Variants in ATXN7 observed in about 807,000 individuals in gnomAD.
ATXN7 encodes ataxin-7.
In ATXN7, 12 loss-of-function variants were observed where a neutral mutation model predicts 70.5. The observed-to-expected ratio is 0.17, with a 90% CI of 0.11 to 0.28. ATXN7 has a LOEUF of 0.28. Ranked by LOEUF, ATXN7 falls within the 10% of genes least tolerant of loss-of-function variation. ATXN7 has a pLI of 1.00. For missense variants in ATXN7, 1,256 were observed against 1,131.7 expected (o/e 1.11, Z -1.58); for synonymous variants, 498 against 448.7 (o/e 1.11, Z -1.39).
At chr3:63,940,183 C>T (rs2074731098) in intron 4 of ATXN7, among the ~76,000 whole-genome samples, 1 of 151,716 alleles carries the variant, frequency 6.6e-6, no homozygotes, top group Admixed American at 6.6e-5. Flanking sequence ...CTGAGAAGGC[C>T]CTAATCTCAC....
chr3:63,920,148 A>G (rs1401767641), intron 4 of ATXN7, among the ~76,000 whole-genome samples: 2 of 152,088 alleles, frequency 1.3e-5, no homozygotes, highest in African/African-American at 2.4e-5. Flanking sequence ...AACACCTGGC[A>G]CAATCCATGC....
chr3:63,991,299 GT>G (rs71099785), intron 11 of ATXN7, among the ~76,000 whole-genome samples: 10 of 108,498 alleles, frequency 9.2e-5, no homozygotes, highest in Admixed American at 1.2e-4. Flanking sequence ...CCCACCCCTG[GT>G]TTTTTTTTTG....
At chr3:63,950,288 G>A (rs771079903) in intron 4 of ATXN7, among the ~76,000 whole-genome samples, 3 of 152,186 alleles carry the variant, frequency 2.0e-5, no homozygotes, top group Non-Finnish European at 4.4e-5. Flanking sequence ...TTTTAAAGGG[G>A]TAGAGGGTTA....
intron 5 of ATXN7, among the ~76,000 whole-genome samples, chr3:63,962,331 A>C (rs528574966): frequency 6.6e-6 from 1 of 152,244 alleles, no homozygotes; most frequent in African/African-American, 2.4e-5. Context: ...TCTTCAGGTC[A>C]CAAATAAACT....
At chr3:63,888,480 A>T (rs1382148828) in intron 1 of ATXN7, among the ~76,000 whole-genome samples, 2 of 152,160 alleles carry the variant, frequency 1.3e-5, no homozygotes, top group Non-Finnish European at 2.9e-5. Context: ...GAACTATTCT[A>T]TCACTAAAAA....
chr3:63,919,724 A>G lies in ATXN7; in HGVS notation c.394+6499A>G, dbSNP rs377688150. On this transcript the variant is annotated intron_variant, in intron 4 of 12. Transcript: ENST00000674280. ...ATTAACTCGTCATTTAGCATTAGGT[A>G]TATCTCCTAATGCTATCCCTCCCCC... Among the ~76,000 whole-genome samples, 1,411 of 147,622 alleles carry G rather than the reference A, an allele frequency of 9.6e-3. 20 individuals carry two copies. Among genetic ancestry groups the G allele is most frequent in the African/African-American group, 0.032 (1,274 of 40,322 alleles).
intron 1 of ATXN7, among the ~76,000 whole-genome samples, chr3:63,877,680 T>G (rs1702787862): frequency 6.6e-6 from 1 of 152,236 alleles, no homozygotes; most frequent in African/African-American, 2.4e-5. Flanking sequence ...TGGAGTGGCT[T>G]ATTGATATGA....
intron 11 of ATXN7, among the ~76,000 whole-genome samples, chr3:63,991,289 C>T (rs2075667823): frequency 8.8e-6 from 1 of 113,350 alleles, no homozygotes; most frequent in Non-Finnish European, 1.7e-5. Context: ...ATACCCTCCC[C>T]CCACCCCTGG....
At chr3:63,865,676 G>A (rs1213538016) in intron 1 of ATXN7, among the ~76,000 whole-genome samples, 1 of 151,896 alleles carries the variant, frequency 6.6e-6, no homozygotes, top group East Asian at 1.9e-4. Context: ...AGGATCACGA[G>A]GTCAAGAGAT....
At chr3:63,999,262 C>T in intron 12 of ATXN7, 188 bp from the exon 13 acceptor site, 1 of 572,272 alleles carries the variant, frequency 1.7e-6, no homozygotes, top group Non-Finnish European at 3.1e-6. Context: ...ATGATTGTGC[C>T]CAGTAGTAGT....
At chr3:63,972,645 C>A (rs1398656451) in intron 5 of ATXN7, among the ~76,000 whole-genome samples, 3 of 152,136 alleles carry the variant, frequency 2.0e-5, no homozygotes, top group Non-Finnish European at 4.4e-5. Context: ...ATGAGCCAGC[C>A]TTTTATTTGT....
intron 11 of ATXN7, among the ~76,000 whole-genome samples, chr3:63,994,732 C>A (rs1264382943): frequency 6.6e-6 from 1 of 152,156 alleles, no homozygotes; most frequent in Non-Finnish European, 1.5e-5. Context: ...TCCAGTCAGG[C>A]CTTTTTGTCT....
At chr3:63,911,937 G>GGGCC (rs893027655) in intron 2 of ATXN7, 9 of 152,406 alleles carry the variant, frequency 5.9e-5, no homozygotes, top group South Asian at 2.1e-4. Context: ...CGCTGCCCTG[G>GGGCC]GGCCGGCCGG....
At chr3:63,916,338 C>G (rs938249210) in intron 4 of ATXN7, among the ~76,000 whole-genome samples, 1 of 152,090 alleles carries the variant, frequency 6.6e-6, no homozygotes, top group Non-Finnish European at 1.5e-5. Context: ...GATTGTAGTT[C>G]CCCTGAAATT....
rs544159153 is a variant in ATXN7 at position 63,931,050 on chromosome 3, AG to A, written c.394+17826del. On this transcript the variant is annotated intron_variant, in intron 4 of 12. Transcript: ENST00000674280. ...AAGAAAAGGTGAGACACAAGGATCT[AG>A]AAGAGGTGGACCCTTAACGCTGGAG... Among the ~76,000 whole-genome samples the A allele has an allele frequency of 1.5e-4, 23 of 152,332 alleles. No homozygotes were observed. The South Asian group carries it at 4.3e-3, about 29-fold the overall frequency.
chr3:63,869,722 G>A (rs1702541981), intron 1 of ATXN7, among the ~76,000 whole-genome samples: 1 of 152,208 alleles, frequency 6.6e-6, no homozygotes, highest in Non-Finnish European at 1.5e-5. Context: ...ACCGCACCCT[G>A]CTAGAGATAC....
chr3:63,867,698 G>A (rs1559614412), intron 1 of ATXN7, among the ~76,000 whole-genome samples: 1 of 151,976 alleles, frequency 6.6e-6, no homozygotes, highest in Non-Finnish European at 1.5e-5. Flanking sequence ...GAGCAGCCTG[G>A]CCAACATGGT....
intron 2 of ATXN7, among the ~76,000 whole-genome samples, chr3:63,899,479 A>G (rs1703548523): frequency 6.6e-6 from 1 of 152,128 alleles, no homozygotes; most frequent in African/African-American, 2.4e-5. Flanking sequence ...TTGATTTAAA[A>G]AAACAAAAAG....
chr3:63,892,952 G>A (rs1703330136), intron 1 of ATXN7, among the ~76,000 whole-genome samples: 1 of 152,192 alleles, frequency 6.6e-6, no homozygotes, highest in Admixed American at 6.5e-5. Context: ...AAGGAGGCAT[G>A]AACAACAGGT....
Sources: allele counts gnomAD v4.1 joint callset (sites outside exome capture counted in the v4.1 genomes callset), GRCh38; gene constraint gnomAD v4.1.1; transcripts MANE v1.5; gene names NCBI Gene and HGNC (gene_info 2026-07-23, HGNC 2026-07-21).